DRC3: variants seen among roughly 807,000 people sequenced by gnomAD.
DRC3 encodes leucine rich repeat containing 48.
In DRC3, 45 loss-of-function variants were observed where a neutral mutation model predicts 57.6. That is an observed-to-expected ratio of 0.78 (90% CI 0.62 to 1.00). The LOEUF (loss-of-function observed/expected upper bound fraction) is 1.00. DRC3 is among the 50% of genes least tolerant of loss of function. The pLI, the probability that DRC3 is intolerant of heterozygous loss-of-function variation, is 0.00. For missense variants in DRC3, 655 were observed against 675.2 expected, an observed-to-expected ratio of 0.97 and a Z score of 0.33; for synonymous variants, 257 against 272.3, an observed-to-expected ratio of 0.94 and a Z score of 0.55.
intron 12 of DRC3, among the ~76,000 whole-genome samples, chr17:18,012,446 GAGAC>G (rs1457731042): frequency 1.3e-5 from 2 of 152,216 alleles, no homozygotes; most frequent in African/African-American, 4.8e-5. Context: ...TTGGGAGCCT[GAGAC>G]AGACAGGTCG....
chr17:17,977,993 A>G (rs1224707823), intron 3 of DRC3: 7 of 423,654 alleles, frequency 1.7e-5, no homozygotes, highest in Admixed American at 4.1e-5. Context: ...AAGAATAGAA[A>G]ACAAGATAAA....
chr17:17,981,498 A>C (rs1373871967), intron 3 of DRC3: 1 of 154,520 alleles, frequency 6.5e-6, no homozygotes. Flanking sequence ...TGCAAGCTGC[A>C]TGCATAGTTG....
At chr17:18,015,609 T>TATCATTA in intron 12 of DRC3, 2 of 156,944 alleles carry the variant, frequency 1.3e-5, no homozygotes, top group Admixed American at 6.2e-5. Flanking sequence ...AACTGTGGGG[T>TATCATTA]GAACACCCAT....
At chr17:18,005,915 G>C in intron 10 of DRC3, 1 of 455,506 alleles carries the variant, frequency 2.2e-6, no homozygotes, top group East Asian at 4.0e-5. Flanking sequence ...GGTAAGGGGA[G>C]TAAGACCAGG....
intron 6 of DRC3, chr17:17,994,055 C>T (rs550983294): frequency 2.3e-5 from 10 of 439,146 alleles, no homozygotes; most frequent in Non-Finnish European, 3.7e-5. Context: ...CAGCCTGCCA[C>T]GCTGCCTTCC....
intron 9 of DRC3, among the ~76,000 whole-genome samples, chr17:18,001,519 T>C (rs2043730076): frequency 6.6e-6 from 1 of 151,576 alleles, no homozygotes; most frequent in Non-Finnish European, 1.5e-5. Context: ...AGAAAAAAAA[T>C]GTTATTACTT....
intron 9 of DRC3, among the ~76,000 whole-genome samples, chr17:18,003,549 C>T (rs2043828201): frequency 1.4e-5 from 2 of 143,918 alleles, no homozygotes; most frequent in Admixed American, 1.4e-4. Flanking sequence ...ACAGGGAGGG[C>T]ACCTTTCCCA....
chr17:17,992,685 G>A (rs2043286986), intron 5 of DRC3, 80 bp from the exon 6 acceptor site: 1 of 1,469,628 alleles, frequency 6.8e-7, no homozygotes, highest in Admixed American at 2.0e-5. Flanking sequence ...CTCTGAAAGA[G>A]TACTGAGGAG....
At chr17:18,003,162 T>C (rs1348351802) in intron 9 of DRC3, among the ~76,000 whole-genome samples, 1 of 152,020 alleles carries the variant, frequency 6.6e-6, no homozygotes, top group African/African-American at 2.4e-5. Context: ...AGATTCCCCT[T>C]GGCCCGGACT....
At chr17:17,977,944 TTCA>T in intron 3 of DRC3, 186 bp downstream of exon 3, 1 of 533,206 alleles carries the variant, frequency 1.9e-6, no homozygotes, top group Non-Finnish European at 3.2e-6. Context: ...ACTTAGTGTC[TTCA>T]TCATTTGAAT....
intron 3 of DRC3, among the ~76,000 whole-genome samples, chr17:17,982,667 C>T (rs2042757937): frequency 6.8e-6 from 1 of 146,896 alleles, no homozygotes; most frequent in Non-Finnish European, 1.5e-5. Flanking sequence ...CTCTGCCTCC[C>T]TGGTTCAAGC....
intron 9 of DRC3, among the ~76,000 whole-genome samples, chr17:17,998,222 G>A (rs566837858): frequency 1.3e-5 from 2 of 152,276 alleles, no homozygotes; most frequent in South Asian, 4.1e-4. Flanking sequence ...GGAGTTTAGG[G>A]AAGGCTGAGG....
In DRC3 at chr17:17,997,644, G is replaced by A. The variant is rs766720276; in HGVS notation, c.999+10G>A. ...GGAGAAGCACTTGTCGGTAGGCCCC[G>A]AGCCTCCTGAGGCCCTCCCTGTCTC... On this transcript the variant is annotated intron_variant, in intron 9 of 13. Transcript: ENST00000399187. 25 of 1,584,678 alleles carry A rather than the reference G, an allele frequency of 1.6e-5. 1 individual carries two copies. Among genetic ancestry groups the A allele is most frequent in the Middle Eastern group, 3.8e-4 (2 of 5,272 alleles).
chr17:18,009,550 C>G (rs1199818374), intron 12 of DRC3, among the ~76,000 whole-genome samples: 1 of 152,186 alleles, frequency 6.6e-6, no homozygotes, highest in Non-Finnish European at 1.5e-5. Context: ...TTATGGTTCC[C>G]TTTTACAGAT....
At chr17:18,012,612 G>T (rs961585183) in intron 12 of DRC3, among the ~76,000 whole-genome samples, 1 of 152,100 alleles carries the variant, frequency 6.6e-6, no homozygotes, top group Non-Finnish European at 1.5e-5. Context: ...AGCCCAGGAG[G>T]TGGAGGTTGT....
Position 17,983,830 on chromosome 17 carries a change from A to G in DRC3, c.163A>G (p.Ile55Val), listed in dbSNP as rs1439176060. Residue 55 changes from isoleucine (I) to valine (V), a missense_variant and splice_region_variant, in exon 4 of 14, where the codon ATC becomes GTC. Physicochemically the swap from Ile to Val is conservative, Grantham distance 29 (BLOSUM62 3). Coordinates refer to ENST00000399187, the MANE Select transcript of DRC3 (RefSeq NM_031294.4). ...VLSLQLDFRN[I>V]LRIDNLWQFE... ...GAAATCACCTTCCATTATTTCAGAC[A>G]TCCTCCGCATAGACAACCTCTGGCA... The G allele has an allele frequency of 3.5e-5, 56 of 1,609,204 alleles. No individual in the cohort carries two copies. Among genetic ancestry groups the G allele is most frequent in the Non-Finnish European group, 4.5e-5 (53 of 1,176,180 alleles).
At chr17:17,985,976 A>G (rs181209909) in intron 4 of DRC3, among the ~76,000 whole-genome samples, 3 of 152,278 alleles carry the variant, frequency 2.0e-5, no homozygotes, top group African/African-American at 7.2e-5. Flanking sequence ...CAGTGGCACA[A>G]TCTCAGCTCA....
intron 4 of DRC3, 125 bp downstream of exon 4, chr17:17,984,069 G>A (rs548243517): frequency 9.3e-5 from 58 of 625,832 alleles, no homozygotes; most frequent in African/African-American, 8.7e-4. Context: ...GCCAGGGTAC[G>A]GCAGAAGCTC....
chr17:17,983,727 A>C (rs1342937362), intron 3 of DRC3, 101 bp from the exon 4 acceptor site: 3 of 766,234 alleles, frequency 3.9e-6, no homozygotes, highest in Non-Finnish European at 4.4e-6. Flanking sequence ...AGGGCAGAAG[A>C]GTTCTAGGTC....
Sources: allele counts gnomAD v4.1 joint callset (sites outside exome capture counted in the v4.1 genomes callset), GRCh38; gene constraint gnomAD v4.1.1; transcripts MANE v1.5; gene names NCBI Gene and HGNC (gene_info 2026-07-23, HGNC 2026-07-21).